DOCK4: variants seen among roughly 807,000 people sequenced by gnomAD.
DOCK4 encodes the protein dedicator of cytokinesis 4.
Under a neutral mutation model 268.1 loss-of-function variants are expected in DOCK4, and 97 were observed. The observed-to-expected ratio is 0.36, with a 90% CI of 0.31 to 0.43. DOCK4 has a LOEUF of 0.43. Among genes scored for constraint, DOCK4 ranks in the 20% least tolerant of loss-of-function variants. The probability of loss-of-function intolerance (pLI) is 1.00; values close to 1 mark genes in which losing one functional copy is unlikely to be tolerated. For missense variants in DOCK4, 2,145 were observed against 2,455.7 expected (o/e 0.87, Z 2.67); for synonymous variants, 954 against 887.2 (o/e 1.08, Z -1.34).
At position 111,809,313 on chromosome 7, in the gene DOCK4, T is replaced by G; in HGVS notation, c.3095A>C (p.Lys1032Thr). ...LEMFTPSKKK[K>T]VLEKYGDMRV... ...CACTGATACTTACTTTTCTAACACC[T>G]TTTTCTTCTTGGAAGGTGTGAACAT... Residue 1032 changes from lysine (K) to threonine (T), a missense_variant, in exon 29 of 53, where the codon AAG becomes ACG. Transcript: ENST00000428084. The G allele has an allele frequency of 1.3e-6, 2 of 1,556,450 alleles. No homozygotes were observed. Among genetic ancestry groups the G allele is most frequent in the Non-Finnish European group, 1.7e-6 (2 of 1,148,182 alleles).
At chr7:111,941,781 A>G (rs939513190) in intron 10 of DOCK4, among the ~76,000 whole-genome samples, 1 of 152,206 alleles carries the variant, frequency 6.6e-6, no homozygotes, top group African/African-American at 2.4e-5. Context: ...CTAAAGCTGC[A>G]CTAAAGAAAA....
intron 1 of DOCK4, among the ~76,000 whole-genome samples, chr7:112,172,423 T>G (rs1359313587): frequency 6.6e-6 from 1 of 152,214 alleles, no homozygotes; most frequent in Non-Finnish European, 1.5e-5. Flanking sequence ...GAAGACTTGT[T>G]CTCTACTTCT....
intron 1 of DOCK4, among the ~76,000 whole-genome samples, chr7:112,139,015 C>G (rs1814635875): frequency 1.3e-5 from 2 of 152,170 alleles, no homozygotes; most frequent in Admixed American, 1.3e-4. Context: ...ATTCCAACCT[C>G]CAGAGCTGTG....
intron 42 of DOCK4, among the ~76,000 whole-genome samples, chr7:111,754,472 T>G (rs943971294): frequency 1.3e-5 from 2 of 152,224 alleles, no homozygotes; most frequent in Non-Finnish European, 2.9e-5. Flanking sequence ...ACATTATATT[T>G]GCACAATTGG....
chr7:112,136,980 A>T (rs1351521238), intron 1 of DOCK4, among the ~76,000 whole-genome samples: 2 of 152,192 alleles, frequency 1.3e-5, no homozygotes, highest in Non-Finnish European at 2.9e-5. Flanking sequence ...GAAAAGGCAG[A>T]GTGCCTCCAA....
chr7:112,124,219 T>C (rs1189461095), intron 1 of DOCK4, among the ~76,000 whole-genome samples: 3 of 152,012 alleles, frequency 2.0e-5, no homozygotes, highest in Non-Finnish European at 2.9e-5. Context: ...CGAGATCCTG[T>C]TTTGTCGTCC....
intron 1 of DOCK4, among the ~76,000 whole-genome samples, chr7:112,204,658 C>T (rs977377493): frequency 2.6e-5 from 4 of 152,010 alleles, no homozygotes; most frequent in African/African-American, 9.7e-5. Context: ...AGAATGGAAG[C>T]TAACGTGAAA....
intron 6 of DOCK4, among the ~76,000 whole-genome samples, chr7:111,986,471 G>A (rs1337865464): frequency 6.6e-6 from 1 of 152,164 alleles, no homozygotes. Context: ...CCCATGGTTT[G>A]AGGTTTCCTA....
At chr7:111,732,129 C>G (rs1563421064) in intron 52 of DOCK4, 97 bp downstream of exon 52, 8 of 1,256,452 alleles carry the variant, frequency 6.4e-6, no homozygotes, top group Non-Finnish European at 7.9e-6. Context: ...TGCCTGGTCC[C>G]TGCAAATTAA....
chr7:111,760,356 T>C, intron 39 of DOCK4, 34 bp from the exon 40 acceptor site: 2 of 1,598,944 alleles, frequency 1.3e-6, no homozygotes, highest in African/African-American at 2.7e-5. Context: ...ATTAGGGCTA[T>C]ATAACTGAGT....
At chr7:112,023,770 G>A (rs573807952) in intron 1 of DOCK4, 9 of 275,076 alleles carry the variant, frequency 3.3e-5, no homozygotes, top group Middle Eastern at 4.3e-4. Context: ...AATCCATAAA[G>A]AAAATCCTCA....
chr7:111,807,186 C>T (rs915534184), intron 30 of DOCK4, among the ~76,000 whole-genome samples: 25 of 152,076 alleles, frequency 1.6e-4, no homozygotes, highest in Non-Finnish European at 2.9e-4. Flanking sequence ...TAATTTGAGC[C>T]CAGAAAAGAG....
rs140883588 is a variant in DOCK4, at chr7:112,018,143, CAAAAAA to C, written c.38-14018_38-14013del. On this transcript the variant is annotated intron_variant, in intron 1 of 52. Transcript: ENST00000428084. Reference sequence around the variant, plus strand: ...TGGGCAACACAGCAAGACTCCAGCTCAAAAAAAAAAAAAAAAAAAAAAAAAAAAAAA... The same window carrying C: ...TGGGCAACACAGCAAGACTCCAGCTCAAAAAAAAAAAAAAAAAAAAAAAAA... Among the ~76,000 whole-genome samples the C allele has an allele frequency of 6.0e-3, 124 of 20,600 alleles. 19 individuals are homozygous for C. Among genetic ancestry groups the C allele is most frequent in the South Asian group, 0.017 (5 of 300 alleles). The allele number at this position is 20,600 out of a possible 152,430, so 13.5% of individuals were successfully genotyped here.
At chr7:111,797,597 T>C (rs554503884) in intron 30 of DOCK4, among the ~76,000 whole-genome samples, 1 of 152,148 alleles carries the variant, frequency 6.6e-6, no homozygotes, top group South Asian at 2.1e-4. Flanking sequence ...AAAAAAATAG[T>C]AGAAACACCA....
chr7:112,096,551 T>C (rs1810161036), intron 1 of DOCK4, among the ~76,000 whole-genome samples: 1 of 152,204 alleles, frequency 6.6e-6, no homozygotes, highest in Admixed American at 6.5e-5. Flanking sequence ...AAGTGTGTGG[T>C]TCTGGAAGTA....
rs559963273 is a variant in DOCK4 at position 112,089,345 on chromosome 7, C to G, written c.38-85214G>C. Reference sequence around the variant, plus strand: ...CAAAAAACTTTACCCACTTATTGTACTTTGCCCTGTTGACACTGACCTCCC... The same window carrying G: ...CAAAAAACTTTACCCACTTATTGTAGTTTGCCCTGTTGACACTGACCTCCC... On this transcript the variant is annotated intron_variant, in intron 1 of 52. Transcript: ENST00000428084. Among the ~76,000 whole-genome samples the G allele has an allele frequency of 1.4e-4, 21 of 152,216 alleles. No homozygotes were observed. The South Asian group carries it at 3.7e-3, about 27-fold the overall frequency.
At chr7:112,172,069 A>T (rs1818132943) in intron 1 of DOCK4, among the ~76,000 whole-genome samples, 1 of 152,162 alleles carries the variant, frequency 6.6e-6, no homozygotes, top group Non-Finnish European at 1.5e-5. Context: ...TTAACCACCT[A>T]TTTAAAGGGC....
At position 112,191,245 on chromosome 7, in the gene DOCK4, G is replaced by A. The variant is rs148089821; in HGVS notation, c.37+14857C>T. On this transcript the variant is annotated intron_variant, in intron 1 of 52. Coordinates refer to ENST00000428084, the MANE Select transcript of DOCK4 (RefSeq NM_001363540.2). ...AGCTGGGACAAGTGTGAGCCATCAC[G>A]CCAGCCATGAATTTTATTTTCACTC... Among the ~76,000 whole-genome samples, 628 of 152,196 alleles carry A rather than the reference G, an allele frequency of 4.1e-3. 4 individuals are homozygous for A. Among genetic ancestry groups the A allele is most frequent in the African/African-American group, 0.014 (564 of 41,534 alleles).
In DOCK4 at chr7:111,944,837, T is replaced by A; in HGVS notation, c.818A>T (p.Tyr273Phe). Residue 273 changes from tyrosine to phenylalanine, a missense_variant, in exon 10 of 53, where the codon TAT becomes TTT. Physicochemically the swap from Tyr to Phe is conservative, Grantham distance 22. This residue lies in a region of DOCK4 where 1,598 missense variants were observed against 1,986.7 expected (regional missense o/e 0.80). Transcript: ENST00000428084. ...GATTCGGATAATGTGCACGGTGATA[T>A]AAATGTCCTTTCTTAGCTCACTGCT... ...LGSSELRKDI[Y>F]ITVHIIRIGR... 2 of 1,614,002 alleles carry A rather than the reference T, an allele frequency of 1.2e-6. No homozygotes were observed. Among genetic ancestry groups the A allele is most frequent in the Non-Finnish European group, 1.7e-6 (2 of 1,179,880 alleles).
Sources: allele counts gnomAD v4.1 joint callset (sites outside exome capture counted in the v4.1 genomes callset), GRCh38; gene constraint gnomAD v4.1.1; regional missense constraint gnomAD v4.1.1; transcripts MANE v1.5; gene names NCBI Gene and HGNC (gene_info 2026-07-23, HGNC 2026-07-21).